The following FOXP2 variants were observed in gnomAD, a reference collection of about 807,000 sequenced individuals.
FOXP2 encodes forkhead box protein P2.
In FOXP2, 12 loss-of-function variants were observed where a neutral mutation model predicts 115.8. That is an observed-to-expected ratio of 0.10 (90% CI 0.07 to 0.17). The LOEUF (loss-of-function observed/expected upper bound fraction) is 0.17. Among genes scored for constraint, FOXP2 ranks in the 10% least tolerant of loss-of-function variants. FOXP2 has a pLI of 1.00. For synonymous variants in FOXP2, 328 were observed against 297.7 expected (o/e 1.10, Z -1.05); for missense variants, 629 against 843.5 (o/e 0.75, Z 3.15).
intron 3 of FOXP2, among the ~76,000 whole-genome samples, chr7:114,622,413 C>A (rs976888178): frequency 1.3e-5 from 2 of 151,768 alleles, no homozygotes; most frequent in Admixed American, 6.6e-5. Flanking sequence ...GGGTTGTCAG[C>A]GAAGAATAAG....
intron 3 of FOXP2, among the ~76,000 whole-genome samples, chr7:114,550,251 G>A (rs1245797208): frequency 1.3e-5 from 2 of 151,366 alleles, no homozygotes; most frequent in East Asian, 3.9e-4. Flanking sequence ...CTGAGTAGCT[G>A]GGACTACAGG....
At chr7:114,477,349 C>G (rs569107520) in intron 2 of FOXP2, among the ~76,000 whole-genome samples, 13 of 151,926 alleles carry the variant, frequency 8.6e-5, no homozygotes, top group Non-Finnish European at 1.6e-4. Flanking sequence ...GAAATCATGT[C>G]TTTTGCAACA....
At chr7:114,544,884 T>G (rs746519594) in intron 3 of FOXP2, among the ~76,000 whole-genome samples, 1 of 152,206 alleles carries the variant, frequency 6.6e-6, no homozygotes, top group African/African-American at 2.4e-5. Flanking sequence ...TTATTTTCCG[T>G]AATCAATAAC....
intron 1 of FOXP2, among the ~76,000 whole-genome samples, chr7:114,089,629 A>G (rs911177932): frequency 6.6e-6 from 1 of 151,870 alleles, no homozygotes; most frequent in Admixed American, 6.6e-5. Flanking sequence ...ATTTCTTTGC[A>G]CTTCTTATAT....
intron 2 of FOXP2, among the ~76,000 whole-genome samples, chr7:114,476,188 C>A: frequency 6.8e-6 from 1 of 146,928 alleles, no homozygotes; most frequent in South Asian, 2.2e-4. Flanking sequence ...GCCAAAAATT[C>A]TTTGTCAAGA....
intron 2 of FOXP2, among the ~76,000 whole-genome samples, chr7:114,515,203 C>G (rs1798272473): frequency 6.7e-6 from 1 of 148,686 alleles, no homozygotes; most frequent in Admixed American, 6.7e-5. Context: ...TTTATAGCAG[C>G]ATGATTTATA....
intron 2 of FOXP2, among the ~76,000 whole-genome samples, chr7:114,459,220 G>A (rs1795454134): frequency 6.6e-6 from 1 of 152,286 alleles, no homozygotes; most frequent in African/African-American, 2.4e-5. Context: ...AAGTCAGGAG[G>A]GTAGCACAGC....
At chr7:114,295,493 G>A (rs1010106634) in intron 2 of FOXP2, among the ~76,000 whole-genome samples, 3 of 152,158 alleles carry the variant, frequency 2.0e-5, no homozygotes, top group African/African-American at 4.8e-5. Context: ...ATTAGTAATT[G>A]TATGAAAATG....
intron 8 of FOXP2, 29 bp from the exon 9 acceptor site, chr7:114,652,174 A>T: frequency 6.2e-7 from 1 of 1,607,566 alleles, no homozygotes; most frequent in Non-Finnish European, 8.5e-7. Flanking sequence ...ATCACTTTAC[A>T]TTCTGTTTTG....
chr7:114,319,820 G>A (rs1797373736), intron 2 of FOXP2, among the ~76,000 whole-genome samples: 1 of 152,160 alleles, frequency 6.6e-6, no homozygotes, highest in African/African-American at 2.4e-5. Flanking sequence ...TTTGATTGCT[G>A]GCTGCTAGTT....
In FOXP2 at chr7:114,408,270, T is replaced by C. The variant is rs770595408; in HGVS notation, c.-10-18232T>C. Among the ~76,000 whole-genome samples the C allele has an allele frequency of 4.4e-4, 67 of 152,272 alleles. 1 individual carries two copies. The highest frequency in any genetic ancestry group is 1.7e-3 in the East Asian group (9 of 5,182). On this transcript the variant is annotated intron_variant, in intron 2 of 17. Coordinates refer to the FOXP2 transcript ENST00000634411. ...TTTAAAATTAAAACTTTAGGCCTTA[T>C]TTTTTAGATCTTGATTATTTTTAAG...
In FOXP2 at chr7:114,218,938, T is replaced by C. The variant is rs1794552239; in HGVS notation, c.-102+55850T>C. 2.0e-5 allele frequency among the ~76,000 whole-genome samples: 3 copies of C among 152,118 alleles called. No individual in the cohort carries two copies. The South Asian group carries it at 6.2e-4, about 31-fold the overall frequency. On this transcript the variant is annotated intron_variant, in intron 1 of 17. Coordinates refer to the FOXP2 transcript ENST00000634411. Reference sequence around the variant, plus strand: ...CTGCCGTCCTGAACTCCTTTACAAGTTTTATATATATTTACTGCCTAATGG... The same window carrying C: ...CTGCCGTCCTGAACTCCTTTACAAGCTTTATATATATTTACTGCCTAATGG...
At position 114,480,754 on chromosome 7, in the gene FOXP2, C is replaced by T. The variant is rs138746063; in HGVS notation, c.169-53863C>T. On this transcript the variant is annotated intron_variant, in intron 2 of 16. Transcript: ENST00000350908. ...ACGTATATATGTGTATGTATGTATA[C>T]GTATATATATACGTATACATACATA... is the stretch of plus-strand genomic sequence containing the variant. Among the ~76,000 whole-genome samples the T allele has an allele frequency of 4.6e-3, 680 of 149,388 alleles. 7 individuals are homozygous for T. Among genetic ancestry groups the T allele is most frequent in the African/African-American group, 0.015 (627 of 40,972 alleles).
At chr7:114,166,828 C>T (rs369148651) in intron 1 of FOXP2, among the ~76,000 whole-genome samples, 1 of 152,286 alleles carries the variant, frequency 6.6e-6, no homozygotes, top group Non-Finnish European at 1.5e-5. Context: ...AAAAGATGCT[C>T]AATATTGTAT....
At chr7:114,261,331 A>G (rs1379910459) in intron 1 of FOXP2, among the ~76,000 whole-genome samples, 2 of 152,162 alleles carry the variant, frequency 1.3e-5, no homozygotes, top group East Asian at 3.9e-4. Flanking sequence ...TTTCAAATCT[A>G]AAATGTTTCA....
intron 8 of FOXP2, among the ~76,000 whole-genome samples, chr7:114,651,261 A>G (rs571978488): frequency 1.3e-5 from 2 of 152,142 alleles, no homozygotes; most frequent in East Asian, 3.8e-4. Flanking sequence ...ATATGCAATG[A>G]TGAGAACATC....
At chr7:114,592,336 C>T (rs554385602) in intron 3 of FOXP2, among the ~76,000 whole-genome samples, 1 of 152,048 alleles carries the variant, frequency 6.6e-6, no homozygotes, top group African/African-American at 2.4e-5. Context: ...TATTAGGTCA[C>T]TAGAGTAGTA....
chr7:114,650,491 G>C (rs1401990360), intron 8 of FOXP2, among the ~76,000 whole-genome samples: 1 of 151,888 alleles, frequency 6.6e-6, no homozygotes, highest in Non-Finnish European at 1.5e-5. Flanking sequence ...ACACACAACT[G>C]TATTATGCTG....
intron 2 of FOXP2, among the ~76,000 whole-genome samples, chr7:114,306,824 G>A (rs915273252): frequency 1.3e-5 from 2 of 151,942 alleles, no homozygotes; most frequent in Non-Finnish European, 2.9e-5. Flanking sequence ...ACATTTCTTG[G>A]CTTGGAGGCT....
Sources: gnomAD v4.1 joint callset for allele counts (sites outside exome capture counted in the v4.1 genomes callset) on GRCh38, gnomAD v4.1.1 for gene constraint, MANE v1.5 for transcripts, NCBI Gene and HGNC (gene_info 2026-07-23, HGNC 2026-07-21) for gene names.